The following CMSS1 variants were observed in gnomAD, a reference collection of about 807,000 sequenced individuals.
The protein encoded by CMSS1 is protein CMSS1.
In CMSS1, 33 loss-of-function variants were observed where a neutral mutation model predicts 43.5. The ratio of observed to expected loss-of-function variants is 0.76; its 90% CI spans 0.57 to 1.01. CMSS1 has a LOEUF of 1.01. Among genes scored for constraint, CMSS1 ranks in the 50% least tolerant of loss-of-function variants. The pLI is 0.00. For missense variants in CMSS1, 313 were observed against 326.4 expected, an observed-to-expected ratio of 0.96 and a Z score of 0.32; for synonymous variants, 115 against 117.2, an observed-to-expected ratio of 0.98 and a Z score of 0.12.
chr3:100,054,518 TTA>T (rs2065430214), intron 1 of CMSS1, among the ~76,000 whole-genome samples: 2 of 152,126 alleles, frequency 1.3e-5, no homozygotes, highest in Non-Finnish European at 1.5e-5. Flanking sequence ...TTATGTTATG[TTA>T]TGTTATGTTA....
intron 1 of CMSS1, among the ~76,000 whole-genome samples, chr3:100,066,566 C>G (rs1389723105): frequency 1.5e-5 from 1 of 65,966 alleles, no homozygotes; most frequent in East Asian, 4.7e-4. Context: ...GAGTCTCGCT[C>G]TGTCGCCCAG....
At chr3:99,826,289 G>A (rs185347594) in intron 1 of CMSS1, among the ~76,000 whole-genome samples, 166 of 152,086 alleles carry the variant, frequency 1.1e-3, no homozygotes, top group African/African-American at 3.8e-3. Flanking sequence ...CTATTTCTGA[G>A]TTCCTTGTTC....
chr3:99,933,673 A>G (rs1421332417), intron 1 of CMSS1, among the ~76,000 whole-genome samples: 1 of 152,190 alleles, frequency 6.6e-6, no homozygotes, highest in Non-Finnish European at 1.5e-5. Flanking sequence ...ATATAGGTAA[A>G]TATTACATTC....
chr3:99,989,955 G>A (rs1709464455), intron 1 of CMSS1, among the ~76,000 whole-genome samples: 2 of 152,226 alleles, frequency 1.3e-5, no homozygotes, highest in Non-Finnish European at 2.9e-5. Context: ...GAGTGCAAGA[G>A]AGAGTTATAC....
intron 1 of CMSS1, among the ~76,000 whole-genome samples, chr3:100,140,223 A>G (rs1388794404): frequency 2.6e-5 from 4 of 152,206 alleles, no homozygotes; most frequent in African/African-American, 9.7e-5. Context: ...CCCACAATCC[A>G]TAATCTTCCT....
chr3:99,974,709 AAAC>A (rs371476675), intron 1 of CMSS1, among the ~76,000 whole-genome samples: 320 of 152,008 alleles, frequency 2.1e-3, no homozygotes, highest in African/African-American at 7.1e-3. Context: ...CTCCATCTCA[AAAC>A]AACAACAACA....
intron 1 of CMSS1, among the ~76,000 whole-genome samples, chr3:99,933,430 T>C (rs1204559387): frequency 6.6e-6 from 1 of 152,126 alleles, no homozygotes; most frequent in East Asian, 1.9e-4. Flanking sequence ...AGAGATGAGA[T>C]TGGGAAAAAC....
At chr3:100,020,645 T>G (rs1271172070) in intron 1 of CMSS1, among the ~76,000 whole-genome samples, 1 of 152,070 alleles carries the variant, frequency 6.6e-6, no homozygotes, top group Non-Finnish European at 1.5e-5. Flanking sequence ...AAAATAGTCT[T>G]AAAGTTCTTA....
At chr3:100,019,308 T>C (rs2064761988) in intron 1 of CMSS1, among the ~76,000 whole-genome samples, 1 of 152,046 alleles carries the variant, frequency 6.6e-6, no homozygotes, top group Non-Finnish European at 1.5e-5. Context: ...TGCAGTAAGC[T>C]ATGATCATGC....
At chr3:100,082,556 G>T (rs970595407) in intron 1 of CMSS1, among the ~76,000 whole-genome samples, 1 of 152,188 alleles carries the variant, frequency 6.6e-6, no homozygotes, top group Non-Finnish European at 1.5e-5. Context: ...GAATGAGCCA[G>T]CTTTGAAGAC....
chr3:99,928,210 G>A (rs1707358062), intron 1 of CMSS1, among the ~76,000 whole-genome samples: 1 of 152,182 alleles, frequency 6.6e-6, no homozygotes, highest in African/African-American at 2.4e-5. Context: ...GAAAATCCTA[G>A]GCAGAATTCC....
chr3:99,948,655 G>A (rs1708084756), intron 1 of CMSS1, among the ~76,000 whole-genome samples: 3 of 149,468 alleles, frequency 2.0e-5, no homozygotes, highest in Admixed American at 6.7e-5. Flanking sequence ...GAAAGAAAGA[G>A]GGGAAGGGAA....
chr3:99,908,634 T>G (rs1706696212), intron 1 of CMSS1, among the ~76,000 whole-genome samples: 1 of 152,190 alleles, frequency 6.6e-6, no homozygotes. Flanking sequence ...GTCTTTGAGC[T>G]TCTTCAGGGT....
chr3:99,860,060 G>A (rs760350053), intron 1 of CMSS1, among the ~76,000 whole-genome samples: 12 of 152,124 alleles, frequency 7.9e-5, no homozygotes, highest in Non-Finnish European at 1.8e-4. Flanking sequence ...GAATATGAGT[G>A]TACATCTATG....
intron 1 of CMSS1, among the ~76,000 whole-genome samples, chr3:100,131,040 A>G (rs1277634481): frequency 2.0e-5 from 3 of 152,238 alleles, no homozygotes; most frequent in Non-Finnish European, 2.9e-5. Context: ...CAAGTGAGGT[A>G]ATGGTTATGA....
At chr3:99,964,754 G>T (rs990953207) in intron 1 of CMSS1, among the ~76,000 whole-genome samples, 1 of 152,216 alleles carries the variant, frequency 6.6e-6, no homozygotes, top group Middle Eastern at 3.4e-3. Context: ...GAAGAAAGAG[G>T]TCCCCTAGGA....
intron 1 of CMSS1, among the ~76,000 whole-genome samples, chr3:99,889,801 C>A (rs189149148): frequency 3.9e-5 from 6 of 152,088 alleles, no homozygotes; most frequent in Admixed American, 3.3e-4. Flanking sequence ...TATTAATCCT[C>A]CTCCAAAAAA....
At chr3:99,997,870 A>G (rs1193682429) in intron 1 of CMSS1, among the ~76,000 whole-genome samples, 1 of 152,264 alleles carries the variant, frequency 6.6e-6, no homozygotes, top group African/African-American at 2.4e-5. Context: ...ACCTTAATAA[A>G]ATGTAAACTA....
At chr3:100,000,430 CT>C (rs1709809272) in intron 1 of CMSS1, among the ~76,000 whole-genome samples, 1 of 152,094 alleles carries the variant, frequency 6.6e-6, no homozygotes, top group Admixed American at 6.6e-5. Flanking sequence ...ATGTCGTCAG[CT>C]GTAGATCTAG....
Sources: gnomAD v4.1 joint callset for allele counts (sites outside exome capture counted in the v4.1 genomes callset) on GRCh38, gnomAD v4.1.1 for gene constraint, MANE v1.5 for transcripts, NCBI Gene and HGNC (gene_info 2026-07-23, HGNC 2026-07-21) for gene names.